NPNT: variants seen among roughly 807,000 people sequenced by gnomAD.
NPNT encodes the protein nephronectin, also known as preosteoblast EGF-like repeat protein with MAM domain.
Under a neutral mutation model 68.6 loss-of-function variants are expected in NPNT, and 45 were observed. That is an observed-to-expected ratio of 0.66 (90% CI 0.52 to 0.84). NPNT has a LOEUF of 0.84. Among genes scored for constraint, NPNT ranks in the 40% least tolerant of loss-of-function variants. The pLI is 0.00. For synonymous variants in NPNT, 233 were observed against 253.3 expected (o/e 0.92, Z 0.76); for missense variants, 672 against 714.8 (o/e 0.94, Z 0.68).
At chr4:105,921,077 T>G (rs951729174) in intron 2 of NPNT, among the ~76,000 whole-genome samples, 2 of 152,216 alleles carry the variant, frequency 1.3e-5, no homozygotes, top group Non-Finnish European at 2.9e-5. Flanking sequence ...TTAGTTTTCT[T>G]AAGTTATAGA....
Position 105,895,710 on chromosome 4 carries a change from G to A in NPNT, c.58G>A (p.Glu20Lys). 3 of 1,553,298 alleles carry A rather than the reference G, an allele frequency of 1.9e-6. No individual in the cohort carries two copies. The highest frequency in any genetic ancestry group is 2.6e-6 in the Non-Finnish European group (3 of 1,147,878). ...VSSLYLQAAA[E>K]FDGRWPRQIV... Reference sequence around the variant, plus strand: ...CTCGCTCTACCTGCAGGCGGCCGCCGAGTTCGACGGGAGGTGAGCTGGGCC... The same window carrying A: ...CTCGCTCTACCTGCAGGCGGCCGCCAAGTTCGACGGGAGGTGAGCTGGGCC... The change falls in exon 1 of 12, where the codon GAG (glutamate) becomes AAG (lysine). Residue 20 changes from glutamate (E) to lysine (K), a missense_variant. Physicochemically the swap from Glu to Lys is moderately conservative, Grantham distance 56. Transcript: ENST00000379987.
chr4:105,938,986 T>C (rs1184126401), intron 5 of NPNT, among the ~76,000 whole-genome samples: 9 of 152,136 alleles, frequency 5.9e-5, no homozygotes, highest in Admixed American at 2.6e-4. Flanking sequence ...AGATCATGGA[T>C]GCAAAGAGCT....
intron 10 of NPNT, 77 bp from the exon 11 acceptor site, chr4:105,967,110 AC>A: frequency 1.4e-6 from 2 of 1,419,460 alleles, no homozygotes; most frequent in South Asian, 1.3e-5. Context: ...AAAAAAAAAA[AC>A]TAAAACTCCT....
chr4:105,963,154 G>T (rs1731865983), intron 10 of NPNT, among the ~76,000 whole-genome samples: 1 of 152,098 alleles, frequency 6.6e-6, no homozygotes, highest in Non-Finnish European at 1.5e-5. Flanking sequence ...GAGCCTGGGA[G>T]GCAGAGCTTG....
intron 2 of NPNT, among the ~76,000 whole-genome samples, chr4:105,924,036 T>C (rs1039582707): frequency 2.7e-5 from 4 of 148,154 alleles, no homozygotes; most frequent in African/African-American, 1.0e-4. Flanking sequence ...TCCCCTTTGC[T>C]GCGCCCCCCC....
chr4:105,967,035 A>G (rs1331172037), intron 10 of NPNT, among the ~76,000 whole-genome samples, 153 bp from the exon 11 acceptor site: 3 of 152,154 alleles, frequency 2.0e-5, no homozygotes, highest in Admixed American at 1.3e-4. Flanking sequence ...AACTTAAGAC[A>G]GGCATACAAA....
At chr4:105,956,961 G>A (rs994543051) in intron 8 of NPNT, among the ~76,000 whole-genome samples, 13 of 152,150 alleles carry the variant, frequency 8.5e-5, no homozygotes, top group Admixed American at 6.6e-4. Context: ...TTGTGCAAAC[G>A]TTCTGGGATT....
Position 105,958,625 on chromosome 4 carries a change from A to G in NPNT, c.1246+68A>G, listed in dbSNP as rs557026807. On this transcript the variant is annotated intron_variant, in intron 9 of 11. Coordinates refer to ENST00000379987, the MANE Select transcript of NPNT (RefSeq NM_001033047.3). ...GTTTCTCTCCATGAAAATAACTTTTAAATGTAGATCGTTTGGACCATTTGG... is the reference window on the plus strand; with the variant it reads ...GTTTCTCTCCATGAAAATAACTTTTGAATGTAGATCGTTTGGACCATTTGG... 6 of 909,150 alleles carry G rather than the reference A, an allele frequency of 6.6e-6. No homozygotes were observed. In the East Asian group the frequency reaches 1.6e-4, roughly 25 times the overall value. 56.3% of individuals were successfully genotyped at this position (909,150 alleles called of 1,614,324 possible).
intron 2 of NPNT, chr4:105,912,099 G>A (rs746810987): frequency 5.4e-5 from 47 of 865,724 alleles, no homozygotes; most frequent in Non-Finnish European, 8.0e-5. Context: ...GTAAGTCTCC[G>A]GGAATGTAAC....
intron 2 of NPNT, 23 bp downstream of exon 2, chr4:105,898,024 TCA>T: frequency 6.7e-7 from 1 of 1,497,278 alleles, no homozygotes; most frequent in Non-Finnish European, 9.1e-7. Context: ...CCTGGGGACT[TCA>T]GTTCCCTGGG....
At chr4:105,948,670 A>C (rs913703080) in intron 8 of NPNT, among the ~76,000 whole-genome samples, 1 of 152,128 alleles carries the variant, frequency 6.6e-6, no homozygotes, top group African/African-American at 2.4e-5. Flanking sequence ...TTTTTGAGAC[A>C]GAGTCTCACT....
In NPNT at chr4:105,970,988, T is replaced by C; in HGVS notation, c.*1998T>C. The C allele has an allele frequency of 3.0e-6, 1 of 328,284 alleles. No homozygotes were observed. Among genetic ancestry groups the C allele is most frequent in the East Asian group, 7.6e-5 (1 of 13,160 alleles). The allele number at this position is 328,284 out of a possible 1,614,324, so 20.3% of individuals were successfully genotyped here. On this transcript the variant is annotated 3_prime_UTR_variant, in exon 12 of 12. Coordinates refer to ENST00000379987, the MANE Select transcript of NPNT (RefSeq NM_001033047.3). ...CTATTTATTCCAAATGAGAGTATGA[T>C]GGACAGATATTTTAGTATCTCAGTA... is the stretch of plus-strand genomic sequence containing the variant.
intron 6 of NPNT, 142 bp from the exon 7 acceptor site, chr4:105,940,372 A>G: frequency 9.7e-7 from 1 of 1,026,694 alleles, no homozygotes; most frequent in Non-Finnish European, 1.5e-6. Context: ...GTCTACATGT[A>G]GTTTATTTCT....
intron 2 of NPNT, among the ~76,000 whole-genome samples, chr4:105,919,989 A>G (rs1360796881): frequency 6.6e-6 from 1 of 152,038 alleles, no homozygotes; most frequent in African/African-American, 2.4e-5. Flanking sequence ...TATTTCAATG[A>G]TGATTGTAAA....
chr4:105,900,239 T>C (rs1726290252), intron 2 of NPNT, among the ~76,000 whole-genome samples: 2 of 152,216 alleles, frequency 1.3e-5, no homozygotes, highest in African/African-American at 4.8e-5. Context: ...TGATTCACTT[T>C]GGAATTTTCC....
intron 3 of NPNT, chr4:105,932,585 A>T: frequency 6.8e-7 from 1 of 1,478,288 alleles, no homozygotes. Flanking sequence ...TTCAAAGTTG[A>T]CTCTTATTAC....
At chr4:105,933,405 T>A (rs1474008587) in intron 3 of NPNT, among the ~76,000 whole-genome samples, 1 of 152,192 alleles carries the variant, frequency 6.6e-6, no homozygotes, top group African/African-American at 2.4e-5. Flanking sequence ...CATTCATAGG[T>A]TTAAGAACTT....
Position 105,970,663 on chromosome 4 carries a change from A to C in NPNT, c.*1673A>C, listed in dbSNP as rs750921470. On this transcript the variant is annotated 3_prime_UTR_variant, in exon 12 of 12. Transcript: ENST00000379987. Reference sequence around the variant, plus strand: ...ATAAAAAAAGAAGTGTGAAAATCTCAGTATCTCTCTCTCTTTCTAAAAAAT... The same window carrying C: ...ATAAAAAAAGAAGTGTGAAAATCTCCGTATCTCTCTCTCTTTCTAAAAAAT... The C allele has an allele frequency of 3.5e-6, 2 of 578,282 alleles. 1 individual carries two copies. The highest frequency in any genetic ancestry group is 3.4e-5 in the South Asian group (2 of 59,458). 35.8% of individuals were successfully genotyped at this position (578,282 alleles called of 1,614,324 possible). A position where few individuals can be genotyped will look rare whatever the true frequency, so the allele number is the denominator to read the frequency against.
chr4:105,934,267 G>T (rs188341092), intron 3 of NPNT, among the ~76,000 whole-genome samples: 10 of 152,250 alleles, frequency 6.6e-5, no homozygotes, highest in African/African-American at 2.2e-4. Context: ...ATAGAAAGCA[G>T]CACATATTAA....
Sources: gnomAD v4.1 joint callset for allele counts (sites outside exome capture counted in the v4.1 genomes callset) on GRCh38, gnomAD v4.1.1 for gene constraint, MANE v1.5 for transcripts, NCBI Gene and HGNC (gene_info 2026-07-23, HGNC 2026-07-21) for gene names.